CFAP221: variants seen among roughly 807,000 people sequenced by gnomAD.
The protein encoded by CFAP221 is cilia and flagella associated protein 221, also known as cilia- and flagella-associated protein 221.
A neutral mutation model predicts 113.1 loss-of-function variants in CFAP221; 97 were observed. That is an observed-to-expected ratio of 0.86 (90% CI 0.73 to 1.02). CFAP221 has a LOEUF of 1.02. Ranked by LOEUF, CFAP221 falls within the 50% of genes least tolerant of loss-of-function variation. The pLI is 0.00. For synonymous variants in CFAP221, 331 were observed against 354.4 expected (o/e 0.93, Z 0.74); for missense variants, 1,025 against 1,013.4 (o/e 1.01, Z -0.16).
At chr2:119,567,269 A>G (rs1419958426) in intron 6 of CFAP221, among the ~76,000 whole-genome samples, 1 of 117,512 alleles carries the variant, frequency 8.5e-6, no homozygotes, top group Non-Finnish European at 1.8e-5. Context: ...CCATGCTTCT[A>G]TTCATTCCTC....
At chr2:119,642,777 C>T (rs1258231110) in intron 21 of CFAP221, among the ~76,000 whole-genome samples, 2 of 149,984 alleles carry the variant, frequency 1.3e-5, no homozygotes, top group Non-Finnish European at 1.5e-5. Context: ...TGGCCTCAAG[C>T]AATCCTCCCA....
At chr2:119,616,188 T>A (rs1219723394) in intron 14 of CFAP221, among the ~76,000 whole-genome samples, 3 of 152,244 alleles carry the variant, frequency 2.0e-5, no homozygotes, top group African/African-American at 7.2e-5. Flanking sequence ...ACCATATCCA[T>A]CACTTTAAAC....
intron 7 of CFAP221, among the ~76,000 whole-genome samples, chr2:119,596,376 C>A (rs1426694950): frequency 6.6e-6 from 1 of 152,154 alleles, no homozygotes; most frequent in Non-Finnish European, 1.5e-5. Flanking sequence ...GCTGTCTCCG[C>A]GATGTTAGGC....
downstream of CFAP221, among the ~76,000 whole-genome samples, chr2:119,659,574 A>G (rs1365200431): frequency 3.9e-5 from 6 of 152,414 alleles, no homozygotes; most frequent in East Asian, 1.2e-3. Flanking sequence ...ACTGTGGGCA[A>G]CCATCTCTTT....
At chr2:119,634,496 A>G (rs1459654390) in intron 19 of CFAP221, among the ~76,000 whole-genome samples, 1 of 152,170 alleles carries the variant, frequency 6.6e-6, no homozygotes, top group Non-Finnish European at 1.5e-5. Context: ...AGAAAACAGG[A>G]TATCAAAGAG....
At chr2:119,608,432 A>C in intron 11 of CFAP221, 70 bp from the exon 12 acceptor site, 1 of 1,210,896 alleles carries the variant, frequency 8.3e-7, no homozygotes, top group South Asian at 1.5e-5. Context: ...ATATAGTGAA[A>C]TATTCCATCC....
chr2:119,640,088 C>T (rs749554352), intron 21 of CFAP221, among the ~76,000 whole-genome samples: 5 of 152,104 alleles, frequency 3.3e-5, no homozygotes, highest in South Asian at 2.1e-4. Context: ...TCCTAGGTGA[C>T]GAATTGGCAA....
intron 8 of CFAP221, among the ~76,000 whole-genome samples, chr2:119,603,442 G>A (rs969154406): frequency 4.6e-5 from 7 of 152,116 alleles, no homozygotes; most frequent in Non-Finnish European, 8.8e-5. Flanking sequence ...CAAGGGACAC[G>A]TTCTCCCATG....
intron 23 of CFAP221, among the ~76,000 whole-genome samples, chr2:119,655,778 C>T (rs1688393575): frequency 6.6e-6 from 1 of 152,050 alleles, no homozygotes; most frequent in African/African-American, 2.4e-5. Flanking sequence ...CCTTTGTCTA[C>T]TCCCACTGCA....
intron 19 of CFAP221, among the ~76,000 whole-genome samples, chr2:119,637,209 G>C (rs939767): frequency 0.98 from 149,682 of 152,318 alleles, 73,612 homozygotes; most frequent in East Asian, 1. Context: ...CTCCCCACTC[G>C]TTTATATCCA....
rs1446247285 is a variant in CFAP221, at chr2:119,656,493, T to C, written c.*23T>C. The stretch of plus-strand genomic sequence containing the variant: ...TGAAAGTCACCAGTAGGTCAGTCCC[T>C]TCCATTTGCTTTCCGTGGGCCACTG... On this transcript the variant is annotated 3_prime_UTR_variant, in exon 24 of 24. Transcript: ENST00000413369. 1.1e-5 allele frequency: 18 copies of C among 1,570,036 alleles called. No homozygotes were observed. The highest frequency in any genetic ancestry group is 1.6e-5 in the Non-Finnish European group (18 of 1,141,030).
chr2:119,627,216 G>A (rs983733700), intron 15 of CFAP221, among the ~76,000 whole-genome samples: 14 of 151,870 alleles, frequency 9.2e-5, no homozygotes, highest in African/African-American at 3.4e-4. Context: ...ACCCAAATGT[G>A]TATTTTGTTT....
intron 7 of CFAP221, among the ~76,000 whole-genome samples, chr2:119,591,316 G>A (rs1284550504): frequency 6.6e-6 from 1 of 152,194 alleles, no homozygotes; most frequent in Non-Finnish European, 1.5e-5. Flanking sequence ...AGCTTTTAGA[G>A]GACGTAGGTA....
intron 6 of CFAP221, among the ~76,000 whole-genome samples, chr2:119,565,038 C>G (rs1339295716): frequency 6.6e-6 from 1 of 152,186 alleles, no homozygotes; most frequent in Non-Finnish European, 1.5e-5. Context: ...TACATTGTTG[C>G]TAACAATGGG....
intron 3 of CFAP221, chr2:119,556,987 A>T (rs1424876574): frequency 6.6e-6 from 1 of 152,238 alleles, no homozygotes; most frequent in Non-Finnish European, 1.5e-5. Flanking sequence ...GGAAAGGTCA[A>T]GTCTCTTTAT....
chr2:119,594,281 G>GCTC (rs1683801870), intron 7 of CFAP221, among the ~76,000 whole-genome samples: 1 of 151,874 alleles, frequency 6.6e-6, no homozygotes, highest in Admixed American at 6.6e-5. Flanking sequence ...CTGTTGCCAG[G>GCTC]CTGGAGTGCA....
intron 2 of CFAP221, 22 bp downstream of exon 2, chr2:119,546,292 T>G (rs1199429213): frequency 6.5e-7 from 1 of 1,531,716 alleles, no homozygotes; most frequent in Admixed American, 2.0e-5. Context: ...GAAGACAGAT[T>G]TGCTTTACAG....
Position 119,601,306 on chromosome 2 carries a change from G to A in CFAP221, c.720G>A (p.Trp240Ter). 1 of 1,535,816 alleles carries A rather than the reference G, an allele frequency of 6.5e-7. No individual in the cohort carries two copies. The highest frequency in any genetic ancestry group is 8.7e-7 in the Non-Finnish European group (1 of 1,146,714). ...YGTAQIKMQLWISQFNSQPYE... is the reference protein window; with the variant it reads ...YGTAQIKMQL ...CTGCACAAATAAAAATGCAGTTATG[G>A]ATTTCGCAGTTCAACTCTCAACCAT... Residue 240 changes from tryptophan to a stop codon, truncating the protein, a stop_gained, in exon 8 of 24, where the codon TGG becomes TGA. Coordinates refer to ENST00000413369, the MANE Select transcript of CFAP221 (RefSeq NM_001271049.2). LOFTEE classifies it high-confidence loss of function.
Position 119,627,684 on chromosome 2 carries a change from G to T in CFAP221, c.1548G>T (p.Arg516=). The T allele has an allele frequency of 2.5e-6, 4 of 1,613,506 alleles. No individual in the cohort carries two copies. The highest frequency in any genetic ancestry group is 3.4e-6 in the Non-Finnish European group (4 of 1,179,824). Residue 516 remains arginine (R), a synonymous_variant, in exon 16 of 24, where the codon CGG becomes CGT. Transcript: ENST00000413369. ...EANFFKFFLR[R]ISQDDYTSRF... ...ATTTCTTCAAATTCTTCCTGAGGCGGATCAGTCAGGATGATTATACCAGCC... is the reference window on the plus strand; with the variant it reads ...ATTTCTTCAAATTCTTCCTGAGGCGTATCAGTCAGGATGATTATACCAGCC...
Sources: gnomAD v4.1 joint callset for allele counts (sites outside exome capture counted in the v4.1 genomes callset) on GRCh38, gnomAD v4.1.1 for gene constraint, MANE v1.5 for transcripts, NCBI Gene and HGNC (gene_info 2026-07-23, HGNC 2026-07-21) for gene names.